BICC1: variants seen among roughly 807,000 people sequenced by gnomAD.
BICC1 encodes BicC family RNA binding protein 1, also known as protein bicaudal C homolog 1.
BICC1 carries 43 observed loss-of-function variants against 111.0 expected under a neutral mutation model. The ratio of observed to expected loss-of-function variants is 0.39; its 90% CI spans 0.30 to 0.50. The LOEUF is 0.50. BICC1 is among the 20% of genes least tolerant of loss of function. The pLI, the probability that BICC1 is intolerant of heterozygous loss-of-function variation, is 0.88. For synonymous variants in BICC1, 467 were observed against 434.4 expected, an observed-to-expected ratio of 1.07 and a Z score of -0.93; for missense variants, 1,091 against 1,203.2, an observed-to-expected ratio of 0.91 and a Z score of 1.38.
intron 1 of BICC1, among the ~76,000 whole-genome samples, chr10:58,573,048 C>A (rs1844008649): frequency 6.6e-6 from 1 of 151,990 alleles, no homozygotes; most frequent in Non-Finnish European, 1.5e-5. Flanking sequence ...AAGTTTTTAC[C>A]TCAAACAAAA....
chr10:58,736,943 TA>T (rs776117523), intron 3 of BICC1, among the ~76,000 whole-genome samples: 4 of 152,148 alleles, frequency 2.6e-5, no homozygotes, highest in Non-Finnish European at 5.9e-5. Flanking sequence ...TATTTTATTT[TA>T]TTTTTTTGTC....
intron 2 of BICC1, chr10:58,650,630 G>C (rs1838418161): frequency 6.6e-6 from 1 of 152,182 alleles, no homozygotes; most frequent in Admixed American, 6.5e-5. Context: ...GGGCTGTCAG[G>C]ATTCTAATTC....
intron 20 of BICC1, among the ~76,000 whole-genome samples, chr10:58,826,200 A>C (rs988816353): frequency 8.5e-5 from 13 of 152,234 alleles, no homozygotes; most frequent in Non-Finnish European, 1.8e-4. Flanking sequence ...ACTTAAAGCA[A>C]AATGAAGGTG....
chr10:58,817,733 A>G lies in BICC1; in HGVS notation c.2694+11A>G. 1.3e-6 allele frequency: 2 copies of G among 1,593,392 alleles called. No homozygotes were observed. Among genetic ancestry groups the G allele is most frequent in the Non-Finnish European group, 8.5e-7 (1 of 1,169,856 alleles). Reference sequence around the variant, plus strand: ...TTCCAGCAACAAGAGGTCAGTCATTATTTATTTTCCCAAGTATCTTTGTTT... The same window carrying G: ...TTCCAGCAACAAGAGGTCAGTCATTGTTTATTTTCCCAAGTATCTTTGTTT... On this transcript the variant is annotated intron_variant, in intron 19 of 20. Coordinates refer to ENST00000373886, the MANE Select transcript of BICC1 (RefSeq NM_001080512.3).
At chr10:58,542,448 A>G (rs1447589816) in intron 1 of BICC1, among the ~76,000 whole-genome samples, 1 of 151,872 alleles carries the variant, frequency 6.6e-6, no homozygotes, top group Non-Finnish European at 1.5e-5. Context: ...GCTTCATGAC[A>G]TTGGGTTTGG....
chr10:58,789,707 A>G lies in BICC1; in HGVS notation c.821A>G (p.His274Arg). Residue 274 changes from histidine (H) to arginine (R), a missense_variant, in exon 8 of 21, where the codon CAT (histidine) becomes CGT (arginine). By Grantham distance (29) the His-to-Arg change is conservative. Around this residue, in one of 3 missense-constraint regions of BICC1, gnomAD observed 843 missense variants for 900.8 expected, o/e 0.94. Transcript: ENST00000373886. ...GAAGGAACTGCCATGCTGTTAGAAC[A>G]TCTTGCTGGGAGCTTAGCATCAGCT... ...VKEGTAMLLE[H>R]LAGSLASAIP... 6.2e-7 allele frequency: 1 copy of G among 1,614,194 alleles called. No homozygotes were observed. The highest frequency in any genetic ancestry group is 1.1e-5 in the South Asian group (1 of 91,088).
At chr10:58,787,868 A>C (rs1318051433) in intron 5 of BICC1, among the ~76,000 whole-genome samples, 1 of 152,184 alleles carries the variant, frequency 6.6e-6, no homozygotes, top group Non-Finnish European at 1.5e-5. Context: ...CCACAATGCC[A>C]AGACTAACAC....
chr10:58,694,007 T>A (rs1033540794), intron 2 of BICC1, among the ~76,000 whole-genome samples: 29 of 152,094 alleles, frequency 1.9e-4, no homozygotes, highest in African/African-American at 7.0e-4. Context: ...CATATCTCCA[T>A]CTTTTTTGTC....
intron 3 of BICC1, chr10:58,716,052 A>T: frequency 6.9e-7 from 1 of 1,444,088 alleles, no homozygotes; most frequent in South Asian, 1.2e-5. Context: ...CAAAAGATGG[A>T]ACTGAGAAAG....
chr10:58,580,439 C>T (rs1267221166), intron 1 of BICC1, among the ~76,000 whole-genome samples: 1 of 152,096 alleles, frequency 6.6e-6, no homozygotes, highest in Non-Finnish European at 1.5e-5. Context: ...AGGAAATGTT[C>T]ATTGGAGCAT....
chr10:58,803,058 C>T lies in BICC1; in HGVS notation c.2016-19C>T, dbSNP rs376910741. Reference sequence around the variant, plus strand: ...TGTATATATAGTGGAGTGTTAAATTCCACACTCTTATTTCACAGCAGCACT... The same window carrying T: ...TGTATATATAGTGGAGTGTTAAATTTCACACTCTTATTTCACAGCAGCACT... On this transcript the variant is annotated intron_variant, in intron 14 of 20. Coordinates refer to ENST00000373886, the MANE Select transcript of BICC1 (RefSeq NM_001080512.3). 2.2e-4 allele frequency: 347 copies of T among 1,563,008 alleles called. No homozygotes were observed. Among genetic ancestry groups the T allele is most frequent in the Admixed American group, 2.9e-4 (15 of 52,330 alleles).
chr10:58,616,975 A>G (rs948369702), intron 1 of BICC1, among the ~76,000 whole-genome samples: 19 of 152,250 alleles, frequency 1.2e-4, no homozygotes, highest in Non-Finnish European at 2.5e-4. Flanking sequence ...CAGGTGGGCT[A>G]TTCAGCAGGC....
chr10:58,596,313 A>ATG (rs1038131848), intron 1 of BICC1, among the ~76,000 whole-genome samples: 5 of 152,156 alleles, frequency 3.3e-5, no homozygotes, highest in African/African-American at 1.2e-4. Context: ...CACAAAAACC[A>ATG]TGTGATTACC....
At chr10:58,783,760 A>G (rs964435630) in intron 3 of BICC1, among the ~76,000 whole-genome samples, 9 of 152,238 alleles carry the variant, frequency 5.9e-5, no homozygotes, top group African/African-American at 1.4e-4. Flanking sequence ...AGGTTGAGAC[A>G]TGATCAATGG....
At chr10:58,796,209 T>C (rs1447068378) in intron 9 of BICC1, 131 bp from the exon 10 acceptor site, 3 of 749,590 alleles carry the variant, frequency 4.0e-6, no homozygotes, top group Non-Finnish European at 6.5e-6. Flanking sequence ...GCAGATGATT[T>C]AAAAGCAGCA....
chr10:58,513,407 C>T (rs1271886642), intron 1 of BICC1, 74 bp downstream of exon 1: 1 of 1,362,718 alleles, frequency 7.3e-7, no homozygotes. Flanking sequence ...ACCGCGCGCT[C>T]CGGCGCCCGC....
chr10:58,789,682 G>A lies in BICC1; in HGVS notation c.796G>A (p.Glu266Lys). The A allele has an allele frequency of 6.2e-7, 1 of 1,613,964 alleles. No individual in the cohort carries two copies. The highest frequency in any genetic ancestry group is 8.5e-7 in the Non-Finnish European group (1 of 1,179,940). Residue 266 changes from glutamate (E) to lysine (K), a missense_variant and splice_region_variant, in exon 8 of 21, where the codon GAA becomes AAA. Physicochemically the swap from Glu to Lys is moderately conservative, Grantham distance 56 (BLOSUM62 1). Around this residue, in one of 3 missense-constraint regions of BICC1, gnomAD observed 843 missense variants for 900.8 expected, o/e 0.94. Transcript: ENST00000373886. ...GSQNNTSAVK[E>K]GTAMLLEHLA... ...TTTCTTTCCCACCCTTTTCTCTTAG[G>A]AAGGAACTGCCATGCTGTTAGAACA...
At chr10:58,546,134 C>T (rs1260813293) in intron 1 of BICC1, among the ~76,000 whole-genome samples, 2 of 152,020 alleles carry the variant, frequency 1.3e-5, no homozygotes, top group Admixed American at 1.3e-4. Context: ...CATAAAAATG[C>T]TGTTATTTGT....
rs574435348 is a variant in BICC1 at position 58,671,678 on chromosome 10, C to A, written c.238-30396C>A. On this transcript the variant is annotated intron_variant, in intron 2 of 20. Coordinates refer to ENST00000373886, the MANE Select transcript of BICC1 (RefSeq NM_001080512.3). ...TTTCACATTATCCTCCAGCCATTGT[C>A]CTGTTTCTCTGCTGCTTGTTAGAAT... is the stretch of plus-strand genomic sequence containing the variant. Among the ~76,000 whole-genome samples the A allele has an allele frequency of 3.3e-5, 5 of 152,152 alleles. No individual in the cohort carries two copies. In the East Asian group the frequency reaches 9.7e-4, roughly 29 times the overall value.
Sources: gnomAD v4.1 joint callset for allele counts (sites outside exome capture counted in the v4.1 genomes callset) on GRCh38, gnomAD v4.1.1 for gene constraint, gnomAD v4.1.1 regional missense constraint, MANE v1.5 for transcripts, NCBI Gene and HGNC (gene_info 2026-07-23, HGNC 2026-07-21) for gene names.